The following RCAN2 variants were observed in gnomAD, a reference collection of about 807,000 sequenced individuals.
RCAN2 encodes the protein calcipressin-2.
Under a neutral mutation model 23.6 loss-of-function variants are expected in RCAN2, and 9 were observed. The ratio of observed to expected loss-of-function variants is 0.38; its 90% confidence interval spans 0.23 to 0.67. The LOEUF is 0.67. RCAN2 is among the 30% of genes least tolerant of loss of function. RCAN2 has a pLI of 0.51. For missense variants in RCAN2, 273 were observed against 302.3 expected (o/e 0.90, Z 0.72); for synonymous variants, 109 against 115.7 (o/e 0.94, Z 0.37).
At chr6:46,226,994 G>A (rs1054702412) in intron 4 of RCAN2, among the ~76,000 whole-genome samples, 2 of 152,186 alleles carry the variant, frequency 1.3e-5, no homozygotes, top group East Asian at 1.9e-4. Flanking sequence ...TTTTTAGCAT[G>A]AAGGGCTGTT....
chr6:46,225,142 A>G (rs1239782964), intron 4 of RCAN2, among the ~76,000 whole-genome samples: 1 of 152,184 alleles, frequency 6.6e-6, no homozygotes, highest in Admixed American at 6.5e-5. Context: ...ATAGTATTCC[A>G]TGGTGCATAT....
chr6:46,376,921 G>A (rs1311626176), intron 2 of RCAN2, among the ~76,000 whole-genome samples: 2 of 150,328 alleles, frequency 1.3e-5, no homozygotes, highest in African/African-American at 4.9e-5. Flanking sequence ...TCATGTGGAA[G>A]TGTAGATAGG....
chr6:46,364,876 A>G (rs1230159188), intron 2 of RCAN2, among the ~76,000 whole-genome samples: 1 of 152,150 alleles, frequency 6.6e-6, no homozygotes. Flanking sequence ...TGCACCAGCC[A>G]CACTGGCTTC....
chr6:46,419,105 A>T (rs893699733), intron 2 of RCAN2, among the ~76,000 whole-genome samples: 2 of 152,156 alleles, frequency 1.3e-5, no homozygotes, highest in African/African-American at 4.8e-5. Context: ...CATATGGTGA[A>T]AATACGACGT....
At chr6:46,345,315 C>T (rs564942950) in intron 2 of RCAN2, among the ~76,000 whole-genome samples, 52 of 152,142 alleles carry the variant, frequency 3.4e-4, no homozygotes, top group Non-Finnish European at 2.6e-4. Flanking sequence ...GATATTTTAA[C>T]ACCTTTCTCA....
intron 2 of RCAN2, among the ~76,000 whole-genome samples, chr6:46,444,472 G>C (rs1767643291): frequency 6.6e-6 from 1 of 152,158 alleles, no homozygotes. Context: ...GCCCCCCACA[G>C]CTCTAGTCAT....
chr6:46,476,342 G>A (rs764638970), intron 1 of RCAN2, among the ~76,000 whole-genome samples: 3 of 152,120 alleles, frequency 2.0e-5, no homozygotes, highest in Non-Finnish European at 4.4e-5. Flanking sequence ...AAGCTAGGTA[G>A]CATTATTTTT....
At chr6:46,257,751 A>G (rs540521624) in intron 2 of RCAN2, among the ~76,000 whole-genome samples, 1 of 152,296 alleles carries the variant, frequency 6.6e-6, no homozygotes, top group South Asian at 2.1e-4. Context: ...GCCAAACCAT[A>G]TTACCTAGAA....
chr6:46,259,364 G>GGGCT lies in RCAN2; in HGVS notation c.226-10472_226-10469dup, dbSNP rs557241583. ...CTTGGTAAAGACCAATGCAAATGAG[G>GGGCT]GGCTCTAAAGCTTCATTTAACCCCT... On this transcript the variant is annotated intron_variant, in intron 2 of 4. Coordinates refer to ENST00000371374, the MANE Select transcript of RCAN2 (RefSeq NM_001251974.2). 2.0e-3 allele frequency among the ~76,000 whole-genome samples: 308 copies of GGGCT among 152,202 alleles called. 2 individuals are homozygous for GGGCT. The highest frequency in any genetic ancestry group is 7.3e-3 in the African/African-American group (302 of 41,530).
rs113799633 is a variant in RCAN2, at chr6:46,457,009, G to T, written c.-2-31C>A. The T allele has an allele frequency of 1.0e-3, 1,506 of 1,469,308 alleles. 15 individuals carry two copies. In the African/African-American group the frequency reaches 0.019, roughly 18 times the overall value. The allele number at this position is 1,469,308 out of a possible 1,614,324, so 91.0% of individuals were successfully genotyped here. On this transcript the variant is annotated intron_variant, in intron 1 of 4. Coordinates refer to ENST00000371374, the MANE Select transcript of RCAN2 (RefSeq NM_001251974.2). ...GATACAAAGATGAGCATGTGTTACT[G>T]CAGAACAAATTCCTTAAAACTCAGT...
chr6:46,429,313 G>A (rs1245220450), intron 2 of RCAN2, among the ~76,000 whole-genome samples: 1 of 152,122 alleles, frequency 6.6e-6, no homozygotes, highest in East Asian at 1.9e-4. Flanking sequence ...GCACAACAGA[G>A]GCATTTTAAC....
At chr6:46,258,788 T>C (rs758353647) in intron 2 of RCAN2, among the ~76,000 whole-genome samples, 1 of 152,118 alleles carries the variant, frequency 6.6e-6, no homozygotes, top group Non-Finnish European at 1.5e-5. Context: ...TCCATTTCTC[T>C]GATTCTTCTT....
intron 1 of RCAN2, among the ~76,000 whole-genome samples, chr6:46,458,200 A>G (rs1768101795): frequency 6.6e-6 from 1 of 152,204 alleles, no homozygotes; most frequent in Non-Finnish European, 1.5e-5. Flanking sequence ...ACTAAACATC[A>G]ATCTGCTCTC....
At chr6:46,379,068 A>G (rs540482216) in intron 2 of RCAN2, among the ~76,000 whole-genome samples, 14 of 152,216 alleles carry the variant, frequency 9.2e-5, no homozygotes, top group Admixed American at 2.0e-4. Flanking sequence ...TGACTCATCA[A>G]TCAAATTAGT....
At chr6:46,466,379 G>A (rs1230691704) in intron 1 of RCAN2, among the ~76,000 whole-genome samples, 1 of 152,078 alleles carries the variant, frequency 6.6e-6, no homozygotes, top group Non-Finnish European at 1.5e-5. Flanking sequence ...AGCTAAGAAG[G>A]GTCTGACTTA....
At chr6:46,260,947 T>G (rs1767091090) in intron 2 of RCAN2, among the ~76,000 whole-genome samples, 1 of 152,226 alleles carries the variant, frequency 6.6e-6, no homozygotes, top group African/African-American at 2.4e-5. Context: ...ATACTTTTTA[T>G]GCAAAGGAAG....
At chr6:46,315,757 G>C (rs1216316247) in intron 2 of RCAN2, among the ~76,000 whole-genome samples, 2 of 152,104 alleles carry the variant, frequency 1.3e-5, no homozygotes, top group African/African-American at 4.8e-5. Flanking sequence ...TCCATTAACT[G>C]AGTCAACAAC....
rs548792485 is a variant in RCAN2 at position 46,222,065 on chromosome 6, T to C, written c.*1076A>G. 1 of 398,398 alleles carries C rather than the reference T, an allele frequency of 2.5e-6. No individual in the cohort carries two copies. Among genetic ancestry groups the C allele is most frequent in the Non-Finnish European group, 4.4e-6 (1 of 225,780 alleles). 24.7% of individuals were successfully genotyped at this position (398,398 alleles called of 1,614,324 possible). ...TACAACTGACACTTGCATCTTTATT[T>C]AAAAACAAGTGGTCTTGATAGCAAA... On this transcript the variant is annotated 3_prime_UTR_variant, in exon 5 of 5. Transcript: ENST00000371374.
At chr6:46,461,382 TC>T (rs1356971602) in intron 1 of RCAN2, among the ~76,000 whole-genome samples, 1 of 152,168 alleles carries the variant, frequency 6.6e-6, no homozygotes, top group East Asian at 1.9e-4. Context: ...AGCATAAGTT[TC>T]CATCACCTTA....
Sources: gnomAD v4.1 joint callset for allele counts (sites outside exome capture counted in the v4.1 genomes callset) on GRCh38, gnomAD v4.1.1 for gene constraint, MANE v1.5 for transcripts, NCBI Gene and HGNC (gene_info 2026-07-23, HGNC 2026-07-21) for gene names.